DLGAP1: variants seen among roughly 807,000 people sequenced by gnomAD.
DLGAP1 encodes DLG associated protein 1, also known as disks large-associated protein 1.
In DLGAP1, 11 loss-of-function variants were observed where a neutral mutation model predicts 90.8. The observed-to-expected ratio is 0.12, with a 90% CI of 0.08 to 0.20. DLGAP1 has a LOEUF of 0.20. Among genes scored for constraint, DLGAP1 ranks in the 10% least tolerant of loss-of-function variants. The pLI, the probability that DLGAP1 is intolerant of heterozygous loss-of-function variation, is 1.00. For missense variants in DLGAP1, 1,050 were observed against 1,333.8 expected (o/e 0.79, Z 3.31); for synonymous variants, 558 against 540.7 (o/e 1.03, Z -0.44).
chr18:3,880,192 G>A lies in DLGAP1; in HGVS notation c.-72-52C>T, dbSNP rs961904768. On this transcript the variant is annotated intron_variant, in intron 3 of 12. Transcript: ENST00000315677. ...TCGTTAACATTTCTCTTGGAAATTA[G>A]GTATTGCACTTTACAGGGTCTTGCT... The A allele has an allele frequency of 1.8e-5, 16 of 874,158 alleles. No individual in the cohort carries two copies. The Admixed American group carries it at 3.5e-4, about 19-fold the overall frequency. 54.2% of individuals were successfully genotyped at this position (874,158 alleles called of 1,614,324 possible).
At chr18:3,821,787 G>T (rs1369919546) in intron 4 of DLGAP1, 1 of 480,216 alleles carries the variant, frequency 2.1e-6, no homozygotes, top group Non-Finnish European at 2.7e-6. Flanking sequence ...TTGTAAGAAG[G>T]CTCCACCCTG....
At chr18:4,408,774 G>T (rs1345129468) in intron 1 of DLGAP1, among the ~76,000 whole-genome samples, 1 of 152,240 alleles carries the variant, frequency 6.6e-6, no homozygotes, top group Non-Finnish European at 1.5e-5. Flanking sequence ...TGGCAAAGGT[G>T]ATTCATTGTT....
chr18:4,184,355 T>G (rs569956225), intron 1 of DLGAP1, among the ~76,000 whole-genome samples: 2 of 152,296 alleles, frequency 1.3e-5, no homozygotes, highest in East Asian at 3.9e-4. Context: ...AAGATCATTT[T>G]GTTGGTTGAC....
chr18:3,715,286 G>T (rs1203818915), intron 7 of DLGAP1, among the ~76,000 whole-genome samples: 1 of 152,188 alleles, frequency 6.6e-6, no homozygotes, highest in East Asian at 1.9e-4. Flanking sequence ...CTGGAAAAGA[G>T]CAAGAAAAAG....
intron 2 of DLGAP1, among the ~76,000 whole-genome samples, chr18:4,086,446 T>C (rs952316867): frequency 2.6e-5 from 4 of 152,232 alleles, no homozygotes; most frequent in Non-Finnish European, 5.9e-5. Flanking sequence ...TATAATGCTA[T>C]AAATTTTCCT....
At chr18:4,098,002 C>T (rs2075712035) in intron 2 of DLGAP1, among the ~76,000 whole-genome samples, 2 of 152,344 alleles carry the variant, frequency 1.3e-5, no homozygotes, top group South Asian at 4.1e-4. Flanking sequence ...CAGCCTTGAT[C>T]TCTGGGACTC....
chr18:4,406,255 T>C (rs1351179153), intron 1 of DLGAP1, among the ~76,000 whole-genome samples: 1 of 152,220 alleles, frequency 6.6e-6, no homozygotes, highest in Non-Finnish European at 1.5e-5. Flanking sequence ...GTTTCCATTT[T>C]TCATCTGTGA....
intron 1 of DLGAP1, among the ~76,000 whole-genome samples, chr18:4,408,731 A>G (rs2082714951): frequency 6.6e-6 from 1 of 152,128 alleles, no homozygotes; most frequent in Non-Finnish European, 1.5e-5. Context: ...AATAAAAATT[A>G]AAGTAATAAC....
chr18:4,158,998 A>T (rs925716079), intron 1 of DLGAP1, among the ~76,000 whole-genome samples: 2 of 152,190 alleles, frequency 1.3e-5, no homozygotes, highest in African/African-American at 4.8e-5. Context: ...TTAATTAGTA[A>T]GAAACAATAT....
intron 7 of DLGAP1, among the ~76,000 whole-genome samples, chr18:3,599,984 A>G (rs969804710): frequency 4.0e-5 from 6 of 150,648 alleles, no homozygotes; most frequent in Admixed American, 2.0e-4. Context: ...CAGTGGTGTG[A>G]TCATGGCTCA....
At chr18:3,510,379 T>C (rs1446969123) in intron 10 of DLGAP1, among the ~76,000 whole-genome samples, 2 of 152,264 alleles carry the variant, frequency 1.3e-5, no homozygotes, top group Non-Finnish European at 2.9e-5. Flanking sequence ...CAGAAACCTC[T>C]ACCTCTTCTA....
intron 1 of DLGAP1, among the ~76,000 whole-genome samples, chr18:4,217,331 G>A (rs1379376980): frequency 6.6e-6 from 1 of 152,068 alleles, no homozygotes; most frequent in Non-Finnish European, 1.5e-5. Flanking sequence ...GAATAATGCT[G>A]ATATAAATAT....
rs778790029 is a variant in DLGAP1 at position 3,729,294 on chromosome 18, C to T, written c.1432G>A (p.Ala478Thr). The T allele has an allele frequency of 6.2e-7, 1 of 1,614,136 alleles. No homozygotes were observed. The highest frequency in any genetic ancestry group is 1.1e-5 in the South Asian group (1 of 91,076). Reference sequence around the variant, plus strand: ...CAGCCGGGCATGGGCAGGTCCAGCGCTTCCACGGCCTGCGACTCCAGCTCG... The same window carrying T: ...CAGCCGGGCATGGGCAGGTCCAGCGTTTCCACGGCCTGCGACTCCAGCTCG... ...FSELESQAVEALDLPMPGCFR... is the reference protein window; with the variant it reads ...FSELESQAVETLDLPMPGCFR... Residue 478 changes from alanine to threonine, a missense_variant, in exon 7 of 13, where the codon GCG (alanine) becomes ACG (threonine). Ala to Thr is a moderately conservative substitution (Grantham distance 58, BLOSUM62 0). This residue lies in a region of DLGAP1 where 565 missense variants were observed against 879.7 expected (regional missense o/e 0.64). Coordinates refer to ENST00000315677, the MANE Select transcript of DLGAP1 (RefSeq NM_004746.4). This position sits in a 1 kb window ranked among gnomAD's most constrained non-coding sequence, Gnocchi z 6.2.
intron 7 of DLGAP1, among the ~76,000 whole-genome samples, chr18:3,602,118 C>T (rs2057072170): frequency 6.6e-6 from 1 of 152,200 alleles, no homozygotes; most frequent in South Asian, 2.1e-4. Context: ...TGCCGCGCAG[C>T]TTTGATGCTG....
chr18:3,741,115 C>CAT (rs1568048539), intron 6 of DLGAP1, among the ~76,000 whole-genome samples: 2 of 92,558 alleles, frequency 2.2e-5, no homozygotes, highest in African/African-American at 9.7e-5. Flanking sequence ...ACCATCACCA[C>CAT]CACCATCACC....
At chr18:3,575,470 G>A (rs2055066908) in intron 8 of DLGAP1, among the ~76,000 whole-genome samples, 1 of 152,112 alleles carries the variant, frequency 6.6e-6, no homozygotes, top group South Asian at 2.1e-4. Context: ...GGGCCTAAAG[G>A]TAGTACATGA....
chr18:3,903,151 C>A (rs2071821100), intron 3 of DLGAP1, among the ~76,000 whole-genome samples: 1 of 151,794 alleles, frequency 6.6e-6, no homozygotes, highest in African/African-American at 2.4e-5. Flanking sequence ...TTGTTACTGA[C>A]TGAATTAAAT....
intron 1 of DLGAP1, among the ~76,000 whole-genome samples, chr18:4,394,886 A>T (rs2082408468): frequency 6.6e-6 from 1 of 152,342 alleles, no homozygotes; most frequent in African/African-American, 2.4e-5. Context: ...CAGCCTGCAC[A>T]AGTGAACATG....
chr18:4,163,421 G>A (rs11874812), intron 1 of DLGAP1, among the ~76,000 whole-genome samples: 9,636 of 152,270 alleles, frequency 0.063, 812 homozygotes, highest in East Asian at 0.25. Flanking sequence ...GCCCAGTGAG[G>A]AAAAGGTGTT....
Sources: gnomAD v4.1 joint callset for allele counts (sites outside exome capture counted in the v4.1 genomes callset) on GRCh38, gnomAD v4.1.1 for gene constraint, gnomAD v4.1.1 regional missense constraint, Gnocchi (gnomAD v3.1) non-coding constraint, MANE v1.5 for transcripts, NCBI Gene and HGNC (gene_info 2026-07-23, HGNC 2026-07-21) for gene names.